Variants in HADH observed in about 807,000 individuals in gnomAD.
HADH encodes hydroxyacyl-coenzyme A dehydrogenase, mitochondrial.
Under a neutral mutation model 32.2 loss-of-function variants are expected in HADH, and 24 were observed. That is an observed-to-expected ratio of 0.75 (90% CI 0.54 to 1.05). The LOEUF is 1.05. Ranked by LOEUF, HADH falls within the 50% of genes least tolerant of loss-of-function variation. The pLI, the probability that HADH is intolerant of heterozygous loss-of-function variation, is 0.00. For synonymous variants in HADH, 139 were observed against 152.5 expected (o/e 0.91, Z 0.65); for missense variants, 350 against 397.1 (o/e 0.88, Z 1.01).
intron 3 of HADH, among the ~76,000 whole-genome samples, chr4:108,017,532 T>G (rs916140725): frequency 6.6e-6 from 1 of 152,012 alleles, no homozygotes; most frequent in Non-Finnish European, 1.5e-5. Context: ...TCAAGACAAG[T>G]GTTTCCAGGA....
intron 1 of HADH, among the ~76,000 whole-genome samples, chr4:108,007,975 G>A (rs149272044): frequency 6.6e-6 from 1 of 152,280 alleles, no homozygotes; most frequent in African/African-American, 2.4e-5. Context: ...GTTGATCTCT[G>A]CACATGGGTA....
intron 3 of HADH, among the ~76,000 whole-genome samples, chr4:108,015,094 G>A (rs1444221360): frequency 1.3e-5 from 2 of 152,148 alleles, no homozygotes; most frequent in African/African-American, 4.8e-5. Flanking sequence ...ATAAACATAT[G>A]AGTGCAGGTA....
At chr4:108,020,429 C>G (rs181309208) in intron 4 of HADH, among the ~76,000 whole-genome samples, 1 of 152,228 alleles carries the variant, frequency 6.6e-6, no homozygotes, top group Non-Finnish European at 1.5e-5. Context: ...GTGATTGCAC[C>G]ACTGCACTCC....
chr4:108,029,192 C>T (rs1736171718), intron 6 of HADH: 2 of 303,500 alleles, frequency 6.6e-6, no homozygotes, highest in Non-Finnish European at 1.2e-5. Context: ...GCTCCCTCCT[C>T]TCAGCCAACA....
At chr4:108,001,569 C>G (rs1362850030) in intron 1 of HADH, among the ~76,000 whole-genome samples, 3 of 152,308 alleles carry the variant, frequency 2.0e-5, no homozygotes, top group Admixed American at 1.3e-4. Context: ...GTAGTCCCCC[C>G]TTACGAGGGG....
At chr4:108,011,099 G>A (rs895748498) in intron 2 of HADH, among the ~76,000 whole-genome samples, 23 of 151,888 alleles carry the variant, frequency 1.5e-4, no homozygotes, top group African/African-American at 3.6e-4. Context: ...CACCCACCTC[G>A]GTCTCCCAAA....
intron 5 of HADH, chr4:108,027,189 T>G: frequency 4.9e-6 from 1 of 205,346 alleles, no homozygotes. Flanking sequence ...CAAGGTGGAG[T>G]GTGACGTTTT....
chr4:108,013,801 A>G (rs978628016), intron 2 of HADH, among the ~76,000 whole-genome samples: 1 of 152,198 alleles, frequency 6.6e-6, no homozygotes, highest in African/African-American at 2.4e-5. Context: ...TGGGTTAAAT[A>G]ACATTAATTT....
chr4:108,004,713 A>G lies in HADH; in HGVS notation c.133-5046A>G, dbSNP rs570213200. ...TGAGGGATAATTCTTTCAAGAAAGG[A>G]ATGAAGAGAGAAGTTAGATGGAAAA... On this transcript the variant is annotated intron_variant, in intron 1 of 7. Coordinates refer to ENST00000309522, the MANE Select transcript of HADH (RefSeq NM_005327.7). 5 of 1,531,258 alleles carry G rather than the reference A, an allele frequency of 3.3e-6. No individual in the cohort carries two copies. In the African/African-American group the frequency reaches 4.1e-5, roughly 13 times the overall value. The allele number at this position is 1,531,258 out of a possible 1,614,324, so 94.9% of individuals were successfully genotyped here.
rs550202371 is a variant in HADH at position 108,024,518 on chromosome 4, C to T, written c.636+955C>T. 2.0e-5 allele frequency: 3 copies of T among 152,314 alleles called. No homozygotes were observed. The East Asian group carries it at 5.8e-4, about 29-fold the overall frequency. The allele number at this position is 152,314 out of a possible 1,614,324, so 9.4% of individuals were successfully genotyped here. ...AAGAAGCCATCTGTTGAGGTGGACT[C>T]CAGCAGCCAAAGAGAGCAGGCTTGT... On this transcript the variant is annotated intron_variant, in intron 5 of 7. Transcript: ENST00000309522.
At chr4:107,997,289 C>G (rs1734984139) in intron 1 of HADH, among the ~76,000 whole-genome samples, 1 of 152,114 alleles carries the variant, frequency 6.6e-6, no homozygotes, top group African/African-American at 2.4e-5. Context: ...AAAACGGTGG[C>G]CCTCCTTGTA....
intron 3 of HADH, among the ~76,000 whole-genome samples, chr4:108,019,202 A>G (rs1735797870): frequency 6.6e-6 from 1 of 152,208 alleles, no homozygotes; most frequent in Admixed American, 6.5e-5. Flanking sequence ...AGCTTGATCA[A>G]TTAGCCACCT....
Position 108,022,201 on chromosome 4 carries a change from A to ATG in HADH, c.547-1251_547-1250dup, listed in dbSNP as rs56746496. Among the ~76,000 whole-genome samples the ATG allele has an allele frequency of 2.7e-3, 382 of 139,738 alleles. 2 individuals are homozygous for ATG. The highest frequency in any genetic ancestry group is 9.7e-3 in the African/African-American group (356 of 36,712). 91.7% of individuals were successfully genotyped at this position (139,738 alleles called of 152,430 possible). On this transcript the variant is annotated intron_variant, in intron 4 of 7. Transcript: ENST00000309522. ...TGTGTGTGTGTGTATGTGTGTGTGT[A>ATG]TGTGTGTGTGTGTGTGTGTGTGTAT...
intron 1 of HADH, among the ~76,000 whole-genome samples, chr4:108,001,100 T>G (rs1192369676): frequency 6.6e-6 from 1 of 152,194 alleles, no homozygotes; most frequent in African/African-American, 2.4e-5. Context: ...GAAAAAGGCT[T>G]CATGGAGAGG....
At chr4:108,006,946 C>T (rs1384746777) in intron 1 of HADH, among the ~76,000 whole-genome samples, 1 of 152,114 alleles carries the variant, frequency 6.6e-6, no homozygotes, top group African/African-American at 2.4e-5. Flanking sequence ...CCTCAGTTTT[C>T]CTCATCTATA....
chr4:108,000,744 C>T (rs1735097922), intron 1 of HADH, among the ~76,000 whole-genome samples: 2 of 152,102 alleles, frequency 1.3e-5, no homozygotes, highest in Admixed American at 6.6e-5. Flanking sequence ...AATGAGGGAG[C>T]CGGACATGTA....
chr4:108,011,387 T>C (rs1170248587), intron 2 of HADH, among the ~76,000 whole-genome samples: 3 of 152,112 alleles, frequency 2.0e-5, no homozygotes, highest in African/African-American at 7.2e-5. Flanking sequence ...AAGAACAAAG[T>C]CATGTCTTAC....
At chr4:107,997,973 T>A (rs558486268) in intron 1 of HADH, among the ~76,000 whole-genome samples, 1 of 152,352 alleles carries the variant, frequency 6.6e-6, no homozygotes, top group East Asian at 1.9e-4. Flanking sequence ...AGAGGTTACG[T>A]TATCAGGAGA....
At chr4:108,027,318 C>A in intron 5 of HADH, 1 of 364,694 alleles carries the variant, frequency 2.7e-6, no homozygotes, top group South Asian at 2.4e-5. Context: ...GACAAACTGT[C>A]ACCCCCAGTT....
Sources: allele counts gnomAD v4.1 joint callset (sites outside exome capture counted in the v4.1 genomes callset), GRCh38; gene constraint gnomAD v4.1.1; transcripts MANE v1.5; gene names NCBI Gene and HGNC (gene_info 2026-07-23, HGNC 2026-07-21).